The following C7orf78 variants were observed in gnomAD, a reference collection of about 807,000 sequenced individuals.
C7orf78 encodes the protein putative uncharacterized protein C7orf78.
At chr7:12,517,594 T>G in the C7orf78 span, among the ~76,000 whole-genome samples, 1 of 152,212 alleles carries the variant, frequency 6.6e-6, no homozygotes, top group Admixed American at 6.5e-5. Context: ...TGTTTTTTCA[T>G]TTTTGTCTGA....
the C7orf78 span, among the ~76,000 whole-genome samples, chr7:12,484,365 G>C: frequency 6.6e-6 from 1 of 152,070 alleles, no homozygotes. Context: ...AAACATTTCT[G>C]CTTCTGTCAT....
the C7orf78 span, among the ~76,000 whole-genome samples, chr7:12,514,540 A>C: frequency 2.6e-5 from 4 of 151,816 alleles, no homozygotes; most frequent in Non-Finnish European, 5.9e-5. Context: ...ATTTACTTTC[A>C]AGGTTATTAT....
chr7:12,523,597 G>A, the C7orf78 span, among the ~76,000 whole-genome samples: 1 of 152,008 alleles, frequency 6.6e-6, no homozygotes, highest in Non-Finnish European at 1.5e-5. Context: ...TTCACATTTA[G>A]CAATAAATGA....
chr7:12,495,312 A>C, the C7orf78 span, among the ~76,000 whole-genome samples: 55 of 152,350 alleles, frequency 3.6e-4, no homozygotes, highest in Non-Finnish European at 6.0e-4. Context: ...AGCTCTTTCA[A>C]GGATTAAATT....
the C7orf78 span, among the ~76,000 whole-genome samples, chr7:12,513,004 C>T: frequency 6.6e-6 from 1 of 151,912 alleles, no homozygotes; most frequent in African/African-American, 2.4e-5. Context: ...ATTTCTCTGG[C>T]ATCAGTTGTA....
At chr7:12,490,320 G>T in the C7orf78 span, among the ~76,000 whole-genome samples, 1 of 152,072 alleles carries the variant, frequency 6.6e-6, no homozygotes, top group African/African-American at 2.4e-5. Flanking sequence ...GTAGTTAATA[G>T]CTTTTACATC....
the C7orf78 span, among the ~76,000 whole-genome samples, chr7:12,515,592 G>C: frequency 6.6e-6 from 1 of 150,472 alleles, no homozygotes; most frequent in African/African-American, 2.5e-5. Flanking sequence ...GGAGGGTTTC[G>C]AAGAAGGCAG....
the C7orf78 span, among the ~76,000 whole-genome samples, chr7:12,499,461 C>T: frequency 6.7e-6 from 1 of 149,280 alleles, no homozygotes; most frequent in Non-Finnish European, 1.5e-5. Context: ...TTTAAACCAA[C>T]AAAGATCAAA....
chr7:12,531,827 G>C, the C7orf78 span, among the ~76,000 whole-genome samples: 1 of 152,148 alleles, frequency 6.6e-6, no homozygotes, highest in Non-Finnish European at 1.5e-5. Context: ...AAGTTTAATA[G>C]AAGAAAGGAG....
At chr7:12,513,275 C>T in the C7orf78 span, among the ~76,000 whole-genome samples, 1 of 140,922 alleles carries the variant, frequency 7.1e-6, no homozygotes, top group Non-Finnish European at 1.6e-5. Flanking sequence ...GGTTTGGTTT[C>T]TTGTTGCTTT....
chr7:12,517,235 G>T, the C7orf78 span, among the ~76,000 whole-genome samples: 1 of 152,042 alleles, frequency 6.6e-6, no homozygotes, highest in South Asian at 2.1e-4. Context: ...TTTATCAGGG[G>T]TGTCCGCTTT....
the C7orf78 span, among the ~76,000 whole-genome samples, chr7:12,540,686 A>G: frequency 6.6e-6 from 1 of 152,198 alleles, no homozygotes; most frequent in Admixed American, 6.5e-5. Flanking sequence ...CCAACAGAGT[A>G]TAGTTCTACT....
the C7orf78 span, among the ~76,000 whole-genome samples, chr7:12,525,209 C>T: frequency 2.6e-5 from 4 of 152,044 alleles, no homozygotes; most frequent in African/African-American, 9.7e-5. Context: ...GTTTACTTAG[C>T]TTTTGAGTAG....
the C7orf78 span, among the ~76,000 whole-genome samples, chr7:12,488,170 TA>T: frequency 6.6e-6 from 1 of 152,078 alleles, no homozygotes; most frequent in Non-Finnish European, 1.5e-5. Context: ...TATGTTTCTT[TA>T]AAAAGAAATA....
At chr7:12,516,351 C>T in the C7orf78 span, among the ~76,000 whole-genome samples, 1 of 152,194 alleles carries the variant, frequency 6.6e-6, no homozygotes, top group South Asian at 2.1e-4. Context: ...GGAACCTCCA[C>T]CTAGATTTCA....
At chr7:12,521,114 G>A in the C7orf78 span, among the ~76,000 whole-genome samples, 2 of 151,944 alleles carry the variant, frequency 1.3e-5, no homozygotes, top group Non-Finnish European at 2.9e-5. Context: ...GTCTTTACAG[G>A]TGAAGTGAGG....
At chr7:12,507,000 G>C in the C7orf78 span, 1 of 457,184 alleles carries the variant, frequency 2.2e-6, no homozygotes, top group Non-Finnish European at 4.4e-6. Context: ...AAAGATTAAG[G>C]GCCAAAAAAA....
At chr7:12,538,779 GT>G in the C7orf78 span, among the ~76,000 whole-genome samples, 17 of 151,948 alleles carry the variant, frequency 1.1e-4, no homozygotes, top group Non-Finnish European at 2.2e-4. Flanking sequence ...GAAGACCCCC[GT>G]TTTCCTTTCC....
At chr7:12,511,750 G>GT in the C7orf78 span, among the ~76,000 whole-genome samples, 167 of 151,216 alleles carry the variant, frequency 1.1e-3, 1 homozygote, top group Middle Eastern at 0.014. Flanking sequence ...TTGGGTTTTT[G>GT]TTTTTTGTTT....
Sources: allele counts gnomAD v4.1 joint callset (sites outside exome capture counted in the v4.1 genomes callset), GRCh38; gene constraint gnomAD v4.1.1; transcripts MANE v1.5; gene names NCBI Gene and HGNC (gene_info 2026-07-23, HGNC 2026-07-21).